Variants in HDAC9 observed in about 807,000 individuals in gnomAD.
HDAC9 encodes MEF-2 interacting transcription repressor (MITR) protein.
In HDAC9, 41 loss-of-function variants were observed where a neutral mutation model predicts 139.4. The ratio of observed to expected loss-of-function variants is 0.29; its 90% CI spans 0.23 to 0.38. The LOEUF (loss-of-function observed/expected upper bound fraction) is 0.38. Ranked by LOEUF, HDAC9 falls within the 10% of genes least tolerant of loss-of-function variation. HDAC9 has a pLI of 1.00. For missense variants in HDAC9, 1,147 were observed against 1,297.0 expected, an observed-to-expected ratio of 0.88 and a Z score of 1.78; for synonymous variants, 517 against 476.2, an observed-to-expected ratio of 1.09 and a Z score of -1.12.
At position 18,599,953 on chromosome 7, in the gene HDAC9, T is replaced by A. The variant is rs140198964; in HGVS notation, c.664+5924T>A. On this transcript the variant is annotated intron_variant, in intron 6 of 25. Coordinates refer to ENST00000686413, the MANE Select transcript of HDAC9 (RefSeq NM_178425.4). ...CAGAGTTCCTGTTGCTCCACATACT[T>A]GTTAGCACTTTGTATTTTAAGTTTT... is the stretch of plus-strand genomic sequence containing the variant. Among the ~76,000 whole-genome samples the A allele has an allele frequency of 3.7e-3, 548 of 147,488 alleles. 2 individuals carry two copies. The highest frequency in any genetic ancestry group is 0.021 in the Middle Eastern group (6 of 292).
chr7:18,171,991 A>G (rs1203781519), intron 2 of HDAC9, among the ~76,000 whole-genome samples: 1 of 152,034 alleles, frequency 6.6e-6, no homozygotes, highest in Admixed American at 6.5e-5. Context: ...TTGTTTTTCT[A>G]TTGATGGGAA....
At chr7:18,407,586 A>C (rs1788134070) in intron 1 of HDAC9, among the ~76,000 whole-genome samples, 1 of 152,200 alleles carries the variant, frequency 6.6e-6, no homozygotes, top group Admixed American at 6.5e-5. Context: ...CATTGTTCAC[A>C]CAGTCTCTAG....
intron 1 of HDAC9, among the ~76,000 whole-genome samples, chr7:18,346,073 A>T (rs547101088): frequency 7.2e-5 from 11 of 152,258 alleles, no homozygotes; most frequent in Non-Finnish European, 1.2e-4. Flanking sequence ...TAGAAACAAC[A>T]TTCTGAATTT....
At chr7:18,087,624 T>G (rs1781881380) in intron 1 of HDAC9, among the ~76,000 whole-genome samples, 1 of 152,186 alleles carries the variant, frequency 6.6e-6, no homozygotes, top group Non-Finnish European at 1.5e-5. Flanking sequence ...CGTGGAGGAC[T>G]TCAGTTTTAA....
chr7:18,762,274 C>G lies in HDAC9; in HGVS notation c.2161C>G (p.Leu721Val). 3 of 1,613,368 alleles carry G rather than the reference C, an allele frequency of 1.9e-6. No individual in the cohort carries two copies. Among genetic ancestry groups the G allele is most frequent in the East Asian group, 2.2e-5 (1 of 44,846 alleles). The stretch of plus-strand genomic sequence containing the variant: ...ACAGAAGCTGGACCCCAGGATACTC[C>G]TAGGTCTGTACGGGCCTCCACTGTA... ...DGQKLDPRIL[L>V]GDDSQKFFSS... Residue 721 changes from leucine (L) to valine (V), a missense_variant, in exon 15 of 26, where the codon CTA (leucine) becomes GTA (valine). Leu to Val is a conservative substitution (Grantham distance 32). Around this residue, in one of 7 missense-constraint regions of HDAC9, gnomAD observed 407 missense variants for 521.5 expected, o/e 0.78. Coordinates refer to ENST00000686413, the MANE Select transcript of HDAC9 (RefSeq NM_178425.4).
At chr7:18,846,246 G>C (rs1215101987) in intron 21 of HDAC9, among the ~76,000 whole-genome samples, 2 of 152,094 alleles carry the variant, frequency 1.3e-5, no homozygotes, top group African/African-American at 2.4e-5. Context: ...TCAGAAGTTG[G>C]CTCTGGAAAG....
chr7:18,520,932 G>C (rs1196527249), intron 2 of HDAC9, among the ~76,000 whole-genome samples: 1 of 152,190 alleles, frequency 6.6e-6, no homozygotes, highest in Non-Finnish European at 1.5e-5. Context: ...TACATAGAAA[G>C]TGAAGGACTT....
rs188775910 is a variant in HDAC9, at chr7:18,420,380, G to A, written c.-41-75882G>A. Among the ~76,000 whole-genome samples the A allele has an allele frequency of 1.2e-4, 19 of 152,264 alleles. No homozygotes were observed. In the East Asian group the frequency reaches 3.1e-3, roughly 25 times the overall value. On this transcript the variant is annotated intron_variant, in intron 1 of 3. Coordinates refer to the HDAC9 transcript ENST00000413509. Reference sequence around the variant, plus strand: ...AAAGTTCAATGTGCTCAGCTTGTCTGTAATAGTAAAATCTTAGTAAATCAC... The same window carrying A: ...AAAGTTCAATGTGCTCAGCTTGTCTATAATAGTAAAATCTTAGTAAATCAC...
At chr7:18,127,827 T>G (rs540726371) in intron 1 of HDAC9, among the ~76,000 whole-genome samples, 98 of 152,078 alleles carry the variant, frequency 6.4e-4, no homozygotes, top group Non-Finnish European at 1.2e-3. Flanking sequence ...ATCTAAAATT[T>G]GATTATTATT....
chr7:18,402,766 A>C (rs1787664057), intron 1 of HDAC9, among the ~76,000 whole-genome samples: 1 of 152,200 alleles, frequency 6.6e-6, no homozygotes, highest in Non-Finnish European at 1.5e-5. Flanking sequence ...CAGTTGAATG[A>C]AAGGTTGCTT....
chr7:18,203,499 A>G (rs1412971810), intron 2 of HDAC9, among the ~76,000 whole-genome samples: 1 of 152,200 alleles, frequency 6.6e-6, no homozygotes, highest in Non-Finnish European at 1.5e-5. Flanking sequence ...TAAGACCCAG[A>G]GGCATACTAT....
At chr7:18,496,153 C>T in intron 1 of HDAC9, 109 bp from the exon 2 acceptor site, 1 of 1,412,166 alleles carries the variant, frequency 7.1e-7, no homozygotes, top group Non-Finnish European at 9.8e-7. Context: ...GCGAGGGTAG[C>T]TCCTGGGGCC....
chr7:18,920,023 A>G lies in HDAC9; in HGVS notation c.2804-15786A>G, dbSNP rs140186947. On this transcript the variant is annotated intron_variant, in intron 22 of 25. Coordinates refer to ENST00000686413, the MANE Select transcript of HDAC9 (RefSeq NM_178425.4). The stretch of plus-strand genomic sequence containing the variant: ...ATGAACTTTAACGTGGTTTTTTCCA[A>G]TTCTGTGAAGAAAGTCATTGGTAGC... Among the ~76,000 whole-genome samples the G allele has an allele frequency of 3.3e-3, 505 of 152,182 alleles. 3 individuals are homozygous for G. The highest frequency in any genetic ancestry group is 0.012 in the African/African-American group (478 of 41,514).
At position 18,990,899 on chromosome 7, in the gene HDAC9, G is replaced by A. The variant is rs1232753478; in HGVS notation, c.3171-5124G>A. On this transcript the variant is annotated intron_variant, in intron 25 of 25. Transcript: ENST00000686413. ...AGTGAGGCAATGTCTCGCCCTGCTT[G>A]GGCTCGCGCATGGAGCGCGCACCCA... Among the ~76,000 whole-genome samples the A allele has an allele frequency of 2.6e-5, 4 of 152,188 alleles. No individual in the cohort carries two copies. In the East Asian group the frequency reaches 7.7e-4, roughly 29 times the overall value.
At chr7:18,232,136 T>C (rs1314320395) in intron 2 of HDAC9, among the ~76,000 whole-genome samples, 1 of 152,188 alleles carries the variant, frequency 6.6e-6, no homozygotes, top group East Asian at 1.9e-4. Context: ...ATCTTCTGTA[T>C]GGAACTTACA....
chr7:18,248,394 G>A (rs375014561), intron 2 of HDAC9, among the ~76,000 whole-genome samples: 14 of 152,016 alleles, frequency 9.2e-5, no homozygotes, highest in Non-Finnish European at 1.5e-4. Context: ...TTTTATGCTC[G>A]TATGACATTA....
At chr7:18,322,869 T>TGAGAAAGGATTCATGAG (rs1800133738) in intron 1 of HDAC9, among the ~76,000 whole-genome samples, 1 of 151,906 alleles carries the variant, frequency 6.6e-6, no homozygotes, top group East Asian at 1.9e-4. Context: ...ATATGGGAAA[T>TGAGAAAGGATTCATGAG]GAGAAAGGAT....
At chr7:18,166,498 C>G (rs1333946191) in intron 2 of HDAC9, among the ~76,000 whole-genome samples, 1 of 152,116 alleles carries the variant, frequency 6.6e-6, no homozygotes, top group Non-Finnish European at 1.5e-5. Flanking sequence ...TGAATTCCCC[C>G]ATAGAAATGT....
intron 12 of HDAC9, among the ~76,000 whole-genome samples, chr7:18,697,225 C>G (rs138460628): frequency 2.0e-5 from 3 of 152,272 alleles, no homozygotes; most frequent in East Asian, 1.9e-4. Context: ...AGATGAGATG[C>G]TCATCATGAC....
Sources: gnomAD v4.1 joint callset for allele counts (sites outside exome capture counted in the v4.1 genomes callset) on GRCh38, gnomAD v4.1.1 for gene constraint, gnomAD v4.1.1 regional missense constraint, MANE v1.5 for transcripts, NCBI Gene and HGNC (gene_info 2026-07-23, HGNC 2026-07-21) for gene names.